The following HSBP1 variants were observed in gnomAD, a reference collection of about 807,000 sequenced individuals.
The protein encoded by HSBP1 is heat shock factor-binding protein 1.
A neutral mutation model predicts 9.6 loss-of-function variants in HSBP1; 5 were observed. The ratio of observed to expected loss-of-function variants is 0.52; its 90% CI spans 0.27 to 1.09. The LOEUF (loss-of-function observed/expected upper bound fraction) is 1.09, where lower values mean the gene tolerates loss of function less well. HSBP1 is among the 50% of genes least tolerant of loss of function. HSBP1 has a pLI of 0.11. For missense variants in HSBP1, 121 were observed against 96.3 expected (o/e 1.26, Z -1.07); for synonymous variants, 42 against 33.3 (o/e 1.26, Z -0.90).
In HSBP1 at chr16:83,819,220, C is replaced by G. The variant is rs1369901362; in HGVS notation, c.*7802C>G. On this transcript the variant is annotated 3_prime_UTR_variant, in exon 4 of 4. Coordinates refer to ENST00000433866, the MANE Select transcript of HSBP1 (RefSeq NM_001537.4). ...GTCCCCAGGCCCCCTTTTTGTAGAT[C>G]CTGATTCAGAATATCTGGGACGGGG... 1 of 152,082 alleles carries G rather than the reference C, an allele frequency of 6.6e-6. No homozygotes were observed. The highest frequency in any genetic ancestry group is 6.5e-5 in the Admixed American group (1 of 15,268). 9.4% of individuals were successfully genotyped at this position (152,082 alleles called of 1,614,324 possible). A position where few individuals can be genotyped will look rare whatever the true frequency, so the allele number is the denominator to read the frequency against.
chr16:83,809,753 C>T (rs1045023643), intron 3 of HSBP1, among the ~76,000 whole-genome samples: 5 of 151,904 alleles, frequency 3.3e-5, no homozygotes, highest in African/African-American at 7.3e-5. Context: ...CAGGTGTGAG[C>T]CGCCGTGCCC....
chr16:83,813,964 C>G lies in HSBP1; in HGVS notation c.*2546C>G, dbSNP rs1293914207. ...TTTCACGTAACTAAGAGTTAATTTG[C>G]CCTTGTGAGTCCTTGGAATTTAAGC... On this transcript the variant is annotated 3_prime_UTR_variant, in exon 4 of 4. Transcript: ENST00000433866. 1 of 152,118 alleles carries G rather than the reference C, an allele frequency of 6.6e-6. No homozygotes were observed. The highest frequency in any genetic ancestry group is 1.9e-4 in the East Asian group (1 of 5,194). The allele number at this position is 152,118 out of a possible 1,614,324, so 9.4% of individuals were successfully genotyped here. A position where few individuals can be genotyped will look rare whatever the true frequency, so the allele number is the denominator to read the frequency against.
At position 83,809,056 on chromosome 16, in the gene HSBP1, T is replaced by C. The variant is rs1904534040; in HGVS notation, c.113-249T>C. The stretch of plus-strand genomic sequence containing the variant: ...TGACCTTATGAGTGGGTTGTAGTGT[T>C]ATCATCTTTAGCAAATGAATAAATT... On this transcript the variant is annotated intron_variant, in intron 2 of 3. Transcript: ENST00000433866. The C allele has an allele frequency of 7.3e-6, 4 of 548,560 alleles. No homozygotes were observed. The South Asian group carries it at 7.4e-5, about 10-fold the overall frequency. The allele number at this position is 548,560 out of a possible 1,614,324, so 34.0% of individuals were successfully genotyped here. A position where few individuals can be genotyped will look rare whatever the true frequency, so the allele number is the denominator to read the frequency against.
chr16:83,809,575 T>C (rs1165362976), intron 3 of HSBP1, 150 bp downstream of exon 3: 13 of 545,546 alleles, frequency 2.4e-5, no homozygotes, highest in African/African-American at 2.3e-4. Flanking sequence ...GTTCAAACGA[T>C]TGTCCTGCCT....
chr16:83,808,823 T>A (rs1038704739), intron 2 of HSBP1, 77 bp downstream of exon 2: 6 of 1,030,552 alleles, frequency 5.8e-6, no homozygotes, highest in African/African-American at 3.2e-5. Context: ...GATAAATGAG[T>A]AGTTTTCAGG....
rs920626293 is a variant in HSBP1 at position 83,812,485 on chromosome 16, G to T, written c.*1067G>T. On this transcript the variant is annotated 3_prime_UTR_variant, in exon 4 of 4. Transcript: ENST00000433866. ...GCTAAACCTAGAGGCCAATACTGAT[G>T]ACCTGGAAGGTGATCCATATGATTG... The T allele has an allele frequency of 6.6e-6, 1 of 152,196 alleles. No homozygotes were observed. Among genetic ancestry groups the T allele is most frequent in the Non-Finnish European group, 1.5e-5 (1 of 68,036 alleles). 9.4% of individuals were successfully genotyped at this position (152,196 alleles called of 1,614,324 possible).
intron 1 of HSBP1, chr16:83,808,404 C>A: frequency 1.8e-6 from 1 of 560,990 alleles, no homozygotes; most frequent in Non-Finnish European, 3.1e-6. Context: ...ACACCCTCCC[C>A]GCCCTTCAAC....
Position 83,818,547 on chromosome 16 carries a change from G to C in HSBP1, c.*7129G>C, listed in dbSNP as rs1045343235. 1.3e-5 allele frequency: 2 copies of C among 152,186 alleles called. No homozygotes were observed. Among genetic ancestry groups the C allele is most frequent in the African/African-American group, 4.8e-5 (2 of 41,436 alleles). 9.4% of individuals were successfully genotyped at this position (152,186 alleles called of 1,614,324 possible). ...TTATCCTAACGCTGACTAATAAACT[G>C]GTGAGAACTGTTTGAAATACCCATA... On this transcript the variant is annotated 3_prime_UTR_variant, in exon 4 of 4. Coordinates refer to ENST00000433866, the MANE Select transcript of HSBP1 (RefSeq NM_001537.4).
Position 83,818,184 on chromosome 16 carries a change from T to A in HSBP1, c.*6766T>A, listed in dbSNP as rs1471433418. The A allele has an allele frequency of 6.6e-6, 1 of 152,122 alleles. No homozygotes were observed. Among genetic ancestry groups the A allele is most frequent in the Non-Finnish European group, 1.5e-5 (1 of 68,012 alleles). 9.4% of individuals were successfully genotyped at this position (152,122 alleles called of 1,614,324 possible). ...CAGAATCCTTGTCTGGAAGGTTGAT[T>A]ATATCAGATGCGCATTTTGCCAGCA... is the stretch of plus-strand genomic sequence containing the variant. On this transcript the variant is annotated 3_prime_UTR_variant, in exon 4 of 4. Coordinates refer to ENST00000433866, the MANE Select transcript of HSBP1 (RefSeq NM_001537.4).
chr16:83,808,369 TCCG>T (rs1320073229), intron 1 of HSBP1: 9 of 551,372 alleles, frequency 1.6e-5, no homozygotes, highest in Non-Finnish European at 2.9e-5. Context: ...GCGAACGCCC[TCCG>T]GGTCCCTCCC....
chr16:83,808,064 G>C lies in HSBP1; in HGVS notation c.-13G>C. On this transcript the variant is annotated 5_prime_UTR_variant, in exon 1 of 4. Coordinates refer to ENST00000433866, the MANE Select transcript of HSBP1 (RefSeq NM_001537.4). ...CGGTCTGAGACATCACCGCCAAGCT[G>C]GGCATCGGGGAGATGGCCGAGACTG... The C allele has an allele frequency of 1.9e-6, 3 of 1,542,810 alleles. No homozygotes were observed. Among genetic ancestry groups the C allele is most frequent in the Non-Finnish European group, 2.6e-6 (3 of 1,142,828 alleles).
At position 83,814,863 on chromosome 16, in the gene HSBP1, C is replaced by T. The variant is rs1904683008; in HGVS notation, c.*3445C>T. The stretch of plus-strand genomic sequence containing the variant: ...AGAGCACAACCACGGGGAATATGAA[C>T]CACAGGTTTTCACATTGGTTTTCCA... On this transcript the variant is annotated 3_prime_UTR_variant, in exon 4 of 4. Coordinates refer to ENST00000433866, the MANE Select transcript of HSBP1 (RefSeq NM_001537.4). The T allele has an allele frequency of 6.6e-6, 1 of 152,148 alleles. No homozygotes were observed. Among genetic ancestry groups the T allele is most frequent in the Non-Finnish European group, 1.5e-5 (1 of 68,034 alleles). 9.4% of individuals were successfully genotyped at this position (152,148 alleles called of 1,614,324 possible).
At chr16:83,810,855 G>A (rs544050268) in intron 3 of HSBP1, among the ~76,000 whole-genome samples, 1 of 152,166 alleles carries the variant, frequency 6.6e-6, no homozygotes, top group South Asian at 2.1e-4. Flanking sequence ...GATTCGTAGA[G>A]TACTAAGCAG....
At chr16:83,808,182 C>T (rs1475193639) in intron 1 of HSBP1, 61 bp downstream of exon 1, 2 of 1,426,298 alleles carry the variant, frequency 1.4e-6, no homozygotes, top group Non-Finnish European at 1.9e-6. Flanking sequence ...GGGCCAAGCC[C>T]TGCTGGACAG....
In HSBP1 at chr16:83,812,475, C is replaced by T. The variant is rs550674794; in HGVS notation, c.*1057C>T. 2 of 152,232 alleles carry T rather than the reference C, an allele frequency of 1.3e-5. No homozygotes were observed. The highest frequency in any genetic ancestry group is 3.9e-4 in the East Asian group (2 of 5,182). 9.4% of individuals were successfully genotyped at this position (152,232 alleles called of 1,614,324 possible). ...TGCCAGGAGTGCTAAACCTAGAGGC[C>T]AATACTGATGACCTGGAAGGTGATC... On this transcript the variant is annotated 3_prime_UTR_variant, in exon 4 of 4. Transcript: ENST00000433866.
intron 2 of HSBP1, 127 bp from the exon 3 acceptor site, chr16:83,809,178 A>G (rs1904537254): frequency 3.1e-6 from 2 of 652,418 alleles, no homozygotes; most frequent in African/African-American, 1.8e-5. Flanking sequence ...ACCAGCGTGT[A>G]ACAGTGTCGA....
rs1051069509 is a variant in HSBP1 at position 83,817,981 on chromosome 16, C to A, written c.*6563C>A. 1 of 152,128 alleles carries A rather than the reference C, an allele frequency of 6.6e-6. No individual in the cohort carries two copies. The highest frequency in any genetic ancestry group is 1.5e-5 in the Non-Finnish European group (1 of 68,032). The allele number at this position is 152,128 out of a possible 1,614,324, so 9.4% of individuals were successfully genotyped here. ...CTCTCCTGCAAGCCAGGCTCAGGTG[C>A]GCCTCAATTAGAACCTGTGTTCGCT... On this transcript the variant is annotated 3_prime_UTR_variant, in exon 4 of 4. Transcript: ENST00000433866.
chr16:83,808,906 G>C (rs1352225492), intron 2 of HSBP1, among the ~76,000 whole-genome samples, 160 bp downstream of exon 2: 1 of 152,206 alleles, frequency 6.6e-6, no homozygotes, highest in African/African-American at 2.4e-5. Context: ...TGCGCCGAGA[G>C]CTAGGGGCAA....
rs934415601 is a variant in HSBP1 at position 83,811,438 on chromosome 16, C to A, written c.*20C>A. 3.9e-5 allele frequency: 6 copies of A among 152,194 alleles called. No homozygotes were observed. Among genetic ancestry groups the A allele is most frequent in the African/African-American group, 7.2e-5 (3 of 41,458 alleles). The allele number at this position is 152,194 out of a possible 1,614,324, so 9.4% of individuals were successfully genotyped here. ...TTCAACAGGTTGCTAATAATTTATA[C>A]TGGAATCTGGCATTTTTCCAAGCCA... On this transcript the variant is annotated 3_prime_UTR_variant, in exon 4 of 4. Coordinates refer to ENST00000433866, the MANE Select transcript of HSBP1 (RefSeq NM_001537.4).
Sources: gnomAD v4.1 joint callset for allele counts (sites outside exome capture counted in the v4.1 genomes callset) on GRCh38, gnomAD v4.1.1 for gene constraint, MANE v1.5 for transcripts, NCBI Gene and HGNC (gene_info 2026-07-23, HGNC 2026-07-21) for gene names.